Variants in SLC17A5 observed in about 807,000 individuals in gnomAD.
SLC17A5 encodes the protein sialin.
In SLC17A5, 47 loss-of-function variants were observed where a neutral mutation model predicts 59.4. The ratio of observed to expected loss-of-function variants is 0.79; its 90% confidence interval spans 0.63 to 1.01. The LOEUF is 1.01. Ranked by LOEUF, SLC17A5 falls within the 50% of genes least tolerant of loss-of-function variation. SLC17A5 has a pLI of 0.00. For missense variants in SLC17A5, 522 were observed against 595.5 expected (o/e 0.88, Z 1.28); for synonymous variants, 202 against 210.7 (o/e 0.96, Z 0.36).
At chr6:73,628,360 A>C (rs1768534543) in intron 6 of SLC17A5, among the ~76,000 whole-genome samples, 1 of 152,208 alleles carries the variant, frequency 6.6e-6, no homozygotes, top group South Asian at 2.1e-4. Flanking sequence ...ACTTGAGGCC[A>C]GGAGTTCGAG....
At chr6:73,631,861 A>C (rs1274324155) in intron 6 of SLC17A5, among the ~76,000 whole-genome samples, 1 of 150,276 alleles carries the variant, frequency 6.7e-6, no homozygotes, top group African/African-American at 2.5e-5. Context: ...CAGCTGACAA[A>C]GAACCTAGGT....
At chr6:73,597,999 T>A (rs1766894088) in intron 10 of SLC17A5, among the ~76,000 whole-genome samples, 2 of 152,204 alleles carry the variant, frequency 1.3e-5, no homozygotes, top group Admixed American at 1.3e-4. Flanking sequence ...CATCTTAAAT[T>A]CTGCTGAGGA....
intron 6 of SLC17A5, among the ~76,000 whole-genome samples, chr6:73,626,247 G>A (rs575265296): frequency 6.6e-6 from 1 of 152,194 alleles, no homozygotes; most frequent in South Asian, 2.1e-4. Context: ...ACCCAACCAA[G>A]ATGAGCTGTA....
In SLC17A5 at chr6:73,601,621, C is replaced by T. The variant is rs1216265200; in HGVS notation, c.1260-1180G>A. Among the ~76,000 whole-genome samples, 5 of 95,142 alleles carry T rather than the reference C, an allele frequency of 5.3e-5. No homozygotes were observed. The East Asian group carries it at 8.1e-4, about 15-fold the overall frequency. 62.4% of individuals were successfully genotyped at this position (95,142 alleles called of 152,430 possible). A position where few individuals can be genotyped will look rare whatever the true frequency, so the allele number is the denominator to read the frequency against. On this transcript the variant is annotated intron_variant, in intron 9 of 10. Coordinates refer to ENST00000355773, the MANE Select transcript of SLC17A5 (RefSeq NM_012434.5). ...AGCCCTGCTGCCCGGCCAGCCGCCC[C>T]GTCCGGGAGGGAGGTGGGGGGGGGT...
intron 6 of SLC17A5, among the ~76,000 whole-genome samples, chr6:73,624,699 C>T (rs906988590): frequency 2.6e-5 from 4 of 151,982 alleles, no homozygotes; most frequent in Admixed American, 6.6e-5. Context: ...CATGGTGAAA[C>T]CCCGTCTCTA....
At chr6:73,623,112 C>T (rs533158144) in intron 6 of SLC17A5, among the ~76,000 whole-genome samples, 1 of 152,264 alleles carries the variant, frequency 6.6e-6, no homozygotes, top group South Asian at 2.1e-4. Context: ...TCTCGGCTCA[C>T]TGCAACTTCT....
At chr6:73,600,023 T>C (rs1433704410) in intron 10 of SLC17A5, among the ~76,000 whole-genome samples, 1 of 152,152 alleles carries the variant, frequency 6.6e-6, no homozygotes, top group Non-Finnish European at 1.5e-5. Flanking sequence ...ATTGAACTCC[T>C]GACCTCGTGA....
At chr6:73,599,051 G>C (rs1327465915) in intron 10 of SLC17A5, among the ~76,000 whole-genome samples, 1 of 151,062 alleles carries the variant, frequency 6.6e-6, no homozygotes, top group South Asian at 2.1e-4. Flanking sequence ...GCATGGTGGT[G>C]AGTGCCTGTA....
intron 6 of SLC17A5, among the ~76,000 whole-genome samples, chr6:73,630,087 G>C (rs1581977897): frequency 6.6e-6 from 1 of 151,712 alleles, no homozygotes; most frequent in African/African-American, 2.4e-5. Flanking sequence ...CCGCCTCCCA[G>C]GTTCAAGTGA....
In SLC17A5 at chr6:73,639,482, A is replaced by C. The variant is rs373278418; in HGVS notation, c.526-983T>G. ...GCAAAGATGATTTAGGTACATTGCAAATCAATAAGAATCTATATGATGGAG... is the reference window on the plus strand; with the variant it reads ...GCAAAGATGATTTAGGTACATTGCACATCAATAAGAATCTATATGATGGAG... On this transcript the variant is annotated intron_variant, in intron 3 of 10. Transcript: ENST00000355773. Among the ~76,000 whole-genome samples, 24 of 152,360 alleles carry C rather than the reference A, an allele frequency of 1.6e-4. 1 individual carries two copies. Among genetic ancestry groups the C allele is most frequent in the East Asian group, 7.7e-4 (4 of 5,192 alleles).
At chr6:73,627,223 C>T (rs747524837) in intron 6 of SLC17A5, among the ~76,000 whole-genome samples, 10 of 152,090 alleles carry the variant, frequency 6.6e-5, no homozygotes, top group Middle Eastern at 3.4e-3. Flanking sequence ...ACTACAGGCG[C>T]GTGCCACTAT....
In SLC17A5 at chr6:73,593,410, T is replaced by C. The variant is rs1294137464; in HGVS notation, c.*1667A>G. On this transcript the variant is annotated 3_prime_UTR_variant, in exon 11 of 11. Coordinates refer to ENST00000355773, the MANE Select transcript of SLC17A5 (RefSeq NM_012434.5). Reference sequence around the variant, plus strand: ...CACAAAGGTTTATTTTGATGATTTATAAAAGAAACATTGCCATAGCAATTT... The same window carrying C: ...CACAAAGGTTTATTTTGATGATTTACAAAAGAAACATTGCCATAGCAATTT... 6.6e-6 allele frequency: 1 copy of C among 152,234 alleles called. No individual in the cohort carries two copies. Among genetic ancestry groups the C allele is most frequent in the Non-Finnish European group, 1.5e-5 (1 of 68,042 alleles). 9.4% of individuals were successfully genotyped at this position (152,234 alleles called of 1,614,324 possible). A position where few individuals can be genotyped will look rare whatever the true frequency, so the allele number is the denominator to read the frequency against.
At chr6:73,622,113 A>G (rs1183950735) in intron 6 of SLC17A5, 151 bp from the exon 7 acceptor site, 2 of 675,966 alleles carry the variant, frequency 3.0e-6, no homozygotes, top group Non-Finnish European at 5.1e-6. Context: ...TGAAATATTA[A>G]ATAGCAAAAT....
At chr6:73,627,906 G>A (rs1210772142) in intron 6 of SLC17A5, among the ~76,000 whole-genome samples, 2 of 148,700 alleles carry the variant, frequency 1.3e-5, no homozygotes, top group Admixed American at 1.4e-4. Context: ...ACAGGCGTGA[G>A]CCACTGTGCC....
intron 3 of SLC17A5, among the ~76,000 whole-genome samples, chr6:73,641,025 T>C (rs1186981732): frequency 6.6e-6 from 1 of 152,152 alleles, no homozygotes; most frequent in Non-Finnish European, 1.5e-5. Flanking sequence ...TGGGCATCAA[T>C]GATAGAGCAG....
intron 6 of SLC17A5, among the ~76,000 whole-genome samples, chr6:73,628,360 A>T (rs1768534543): frequency 6.6e-6 from 1 of 152,208 alleles, no homozygotes; most frequent in South Asian, 2.1e-4. Context: ...ACTTGAGGCC[A>T]GGAGTTCGAG....
At chr6:73,640,469 T>C (rs1245023518) in intron 3 of SLC17A5, among the ~76,000 whole-genome samples, 2 of 152,214 alleles carry the variant, frequency 1.3e-5, no homozygotes, top group East Asian at 3.8e-4. Context: ...GTTTAAAAAA[T>C]GATGGGACTG....
chr6:73,607,218 G>GGTAC (rs1767430216), intron 9 of SLC17A5, among the ~76,000 whole-genome samples: 1 of 151,918 alleles, frequency 6.6e-6, no homozygotes, highest in Non-Finnish European at 1.5e-5. Context: ...TTATAAGGTA[G>GGTAC]GTACCATGGA....
rs1011849567 is a variant in SLC17A5 at position 73,636,835 on chromosome 6, C to T, written c.614-128G>A. 11 of 723,142 alleles carry T rather than the reference C, an allele frequency of 1.5e-5. No individual in the cohort carries two copies. In the Admixed American group the frequency reaches 2.2e-4, roughly 15 times the overall value. 44.8% of individuals were successfully genotyped at this position (723,142 alleles called of 1,614,324 possible). ...GTGGCTCATTCCTGTAATCCCTGCA[C>T]TTTGGGAGGCTGATGTGGGTGGATC... On this transcript the variant is annotated intron_variant, in intron 4 of 10. Coordinates refer to ENST00000355773, the MANE Select transcript of SLC17A5 (RefSeq NM_012434.5).
Sources: allele counts gnomAD v4.1 joint callset (sites outside exome capture counted in the v4.1 genomes callset), GRCh38; gene constraint gnomAD v4.1.1; transcripts MANE v1.5; gene names NCBI Gene and HGNC (gene_info 2026-07-23, HGNC 2026-07-21).